Variants in TSGA10 observed in about 807,000 individuals in gnomAD.
TSGA10 encodes the protein testis-specific gene 10 protein.
TSGA10 carries 43 observed loss-of-function variants against 96.6 expected under a neutral mutation model. The observed-to-expected ratio is 0.44, with a 90% CI of 0.35 to 0.57. The LOEUF (loss-of-function observed/expected upper bound fraction) is 0.57, where lower values mean the gene tolerates loss of function less well. TSGA10 is among the 20% of genes least tolerant of loss of function. TSGA10 has a pLI of 0.01. For synonymous variants in TSGA10, 229 were observed against 269.9 expected, an observed-to-expected ratio of 0.85 and a Z score of 1.48; for missense variants, 703 against 834.4, an observed-to-expected ratio of 0.84 and a Z score of 1.94.
rs1005932907 is a variant in TSGA10 at position 99,102,707 on chromosome 2, G to A, written c.611+1260C>T. 4.4e-5 allele frequency: 71 copies of A among 1,611,734 alleles called. 1 individual carries two copies. In the Middle Eastern group the frequency reaches 7.9e-4, roughly 18 times the overall value. ...TTAGTCATATTGATGTGATCACAGC[G>A]GAGATGGCCAAAGACTTTGTAGAAG... On this transcript the variant is annotated intron_variant, in intron 10 of 20. Coordinates refer to ENST00000393483, the MANE Select transcript of TSGA10 (RefSeq NM_025244.4).
intron 17 of TSGA10, among the ~76,000 whole-genome samples, chr2:99,027,690 C>G (rs1000146043): frequency 5.3e-5 from 8 of 151,526 alleles, no homozygotes; most frequent in Non-Finnish European, 1.0e-4. Context: ...TATTTGTCAA[C>G]TAAAAAAAGA....
At chr2:99,093,346 G>C (rs1419180360) in intron 10 of TSGA10, among the ~76,000 whole-genome samples, 1 of 152,114 alleles carries the variant, frequency 6.6e-6, no homozygotes, top group Non-Finnish European at 1.5e-5. Flanking sequence ...ACTGGAAAAA[G>C]AAAAGGATGC....
intron 1 of TSGA10, among the ~76,000 whole-genome samples, chr2:99,152,596 G>A (rs2093703927): frequency 6.6e-6 from 1 of 152,126 alleles, no homozygotes. Context: ...ATTTTTGAAA[G>A]CAAGTTGATT....
chr2:99,152,801 T>C (rs939131822), intron 1 of TSGA10, among the ~76,000 whole-genome samples: 7 of 152,140 alleles, frequency 4.6e-5, no homozygotes, highest in Non-Finnish European at 1.0e-4. Flanking sequence ...AGAAAGGGCT[T>C]CTGGCAAAAA....
chr2:99,078,916 A>G (rs1234597994), intron 11 of TSGA10, 103 bp from the exon 12 acceptor site: 2 of 1,008,334 alleles, frequency 2.0e-6, no homozygotes, highest in Admixed American at 3.1e-5. Context: ...CTTCTAATAT[A>G]TATTATATTC....
At chr2:99,037,189 T>C (rs907022752) in intron 16 of TSGA10, among the ~76,000 whole-genome samples, 6 of 152,154 alleles carry the variant, frequency 3.9e-5, no homozygotes, top group African/African-American at 7.2e-5. Flanking sequence ...AACAGCAGAA[T>C]ACACATTCTT....
At chr2:99,097,395 A>G (rs2104740520) in intron 10 of TSGA10, among the ~76,000 whole-genome samples, 1 of 152,312 alleles carries the variant, frequency 6.6e-6, no homozygotes. Context: ...ATATTGACTG[A>G]GCAAACAACA....
chr2:99,120,309 T>G (rs2092504411), intron 2 of TSGA10, among the ~76,000 whole-genome samples: 1 of 152,190 alleles, frequency 6.6e-6, no homozygotes, highest in Admixed American at 6.5e-5. Flanking sequence ...ACAAAAGTAC[T>G]TTAGAAGAGG....
chr2:99,138,600 C>A (rs2093414566), intron 1 of TSGA10, among the ~76,000 whole-genome samples: 1 of 152,150 alleles, frequency 6.6e-6, no homozygotes, highest in African/African-American at 2.4e-5. Context: ...ATGTAAACTT[C>A]TTTTAGGAAG....
intron 1 of TSGA10, among the ~76,000 whole-genome samples, chr2:99,130,588 A>G (rs1254378287): frequency 6.6e-6 from 1 of 152,032 alleles, no homozygotes; most frequent in African/African-American, 2.4e-5. Context: ...GTTCACTCTG[A>G]TGATAGTTTC....
chr2:99,060,807 T>A (rs1362327630), intron 16 of TSGA10, among the ~76,000 whole-genome samples: 3 of 152,120 alleles, frequency 2.0e-5, no homozygotes, highest in African/African-American at 7.2e-5. Flanking sequence ...TTGTGAAAAA[T>A]TTGTAGATAA....
chr2:99,059,200 A>G (rs1046616081), intron 16 of TSGA10, among the ~76,000 whole-genome samples: 6 of 151,298 alleles, frequency 4.0e-5, no homozygotes, highest in Non-Finnish European at 8.8e-5. Flanking sequence ...CAAAACCACC[A>G]TGACCTACTA....
chr2:99,046,815 T>C (rs1314708555), intron 16 of TSGA10, among the ~76,000 whole-genome samples: 1 of 151,902 alleles, frequency 6.6e-6, no homozygotes, highest in East Asian at 1.9e-4. Flanking sequence ...ACAAAACTGA[T>C]AGACCACTAG....
rs2093730953 is a variant in TSGA10 at position 99,154,745 on chromosome 2, C to T, written c.-673G>A. On this transcript the variant is annotated 5_prime_UTR_variant, in exon 1 of 21. Transcript: ENST00000393483. ...GTGCTGTCACGCGGGGAAGTCCCAT[C>T]TGAACTGGGGCCTTATGACCTTCGG... is the stretch of plus-strand genomic sequence containing the variant. The T allele has an allele frequency of 1.1e-5, 3 of 277,330 alleles. 1 individual carries two copies. The highest frequency in any genetic ancestry group is 8.8e-5 in the South Asian group (3 of 34,164). 17.2% of individuals were successfully genotyped at this position (277,330 alleles called of 1,614,324 possible).
rs544226237 is a variant in TSGA10 at position 99,117,499 on chromosome 2, T to C, written c.-140+45A>G. 3.8e-5 allele frequency: 34 copies of C among 885,344 alleles called. No individual in the cohort carries two copies. The South Asian group carries it at 1.0e-3, about 27-fold the overall frequency. 54.8% of individuals were successfully genotyped at this position (885,344 alleles called of 1,614,324 possible). A position where few individuals can be genotyped will look rare whatever the true frequency, so the allele number is the denominator to read the frequency against. On this transcript the variant is annotated intron_variant, in intron 4 of 20. Coordinates refer to ENST00000393483, the MANE Select transcript of TSGA10 (RefSeq NM_025244.4). ...TCCATTGCATTTAAAAATTACATGA[T>C]GTTTAAAGTAAAATTAAAATCCTTA...
chr2:99,105,227 C>T (rs1329039681), intron 9 of TSGA10, 132 bp downstream of exon 9: 1 of 660,902 alleles, frequency 1.5e-6, no homozygotes, highest in Non-Finnish European at 2.4e-6. Flanking sequence ...TATAAAATAC[C>T]TTAAGTATTT....
chr2:99,144,074 G>A (rs886837473), intron 1 of TSGA10, among the ~76,000 whole-genome samples: 6 of 152,058 alleles, frequency 3.9e-5, no homozygotes, highest in Non-Finnish European at 8.8e-5. Flanking sequence ...AGGCTGGAGT[G>A]CAGTGGCGCG....
intron 2 of TSGA10, among the ~76,000 whole-genome samples, chr2:99,121,950 T>C (rs1339613215): frequency 6.6e-6 from 1 of 152,234 alleles, no homozygotes; most frequent in Non-Finnish European, 1.5e-5. Flanking sequence ...TAATTTTTTA[T>C]GAAGTGTGAG....
chr2:99,115,822 T>C (rs1480487765), intron 4 of TSGA10, among the ~76,000 whole-genome samples: 1 of 152,114 alleles, frequency 6.6e-6, no homozygotes, highest in Non-Finnish European at 1.5e-5. Flanking sequence ...GAGGTTGCAG[T>C]GAGCCGAGAT....
Sources: allele counts gnomAD v4.1 joint callset (sites outside exome capture counted in the v4.1 genomes callset), GRCh38; gene constraint gnomAD v4.1.1; transcripts MANE v1.5; gene names NCBI Gene and HGNC (gene_info 2026-07-23, HGNC 2026-07-21).